The following MAST4 variants were observed in gnomAD, a reference collection of about 807,000 sequenced individuals.
MAST4 encodes microtubule-associated serine/threonine-protein kinase 4.
Under a neutral mutation model 162.7 loss-of-function variants are expected in MAST4, and 89 were observed. The observed-to-expected ratio is 0.55, with a 90% CI of 0.46 to 0.65. The LOEUF is 0.65. MAST4 is among the 30% of genes least tolerant of loss of function. The pLI, the probability that MAST4 is intolerant of heterozygous loss-of-function variation, is 0.00. For synonymous variants in MAST4, 1,479 were observed against 1,361.1 expected (o/e 1.09, Z -1.91); for missense variants, 3,153 against 3,374.0 (o/e 0.93, Z 1.62).
At chr5:66,715,624 A>C (rs1242958631) in intron 1 of MAST4, among the ~76,000 whole-genome samples, 5 of 151,674 alleles carry the variant, frequency 3.3e-5, no homozygotes, top group Non-Finnish European at 7.4e-5. Context: ...TACATATATA[A>C]TAAACCTGCA....
At chr5:66,694,613 A>G (rs1561267571) in intron 1 of MAST4, among the ~76,000 whole-genome samples, 1 of 151,930 alleles carries the variant, frequency 6.6e-6, no homozygotes, top group Non-Finnish European at 1.5e-5. Flanking sequence ...TAGCCTCCTG[A>G]GTAGCTGGGA....
chr5:66,912,860 G>T (rs1043914900), intron 4 of MAST4, among the ~76,000 whole-genome samples: 1 of 151,946 alleles, frequency 6.6e-6, no homozygotes, highest in African/African-American at 2.4e-5. Context: ...TTTTCATAAG[G>T]GTCTAAGTCT....
chr5:66,773,437 C>T (rs1260787025), intron 2 of MAST4, among the ~76,000 whole-genome samples: 1 of 152,142 alleles, frequency 6.6e-6, no homozygotes, highest in African/African-American at 2.4e-5. Flanking sequence ...AGGGTAAGTC[C>T]CCTCCTTGCA....
intron 1 of MAST4, among the ~76,000 whole-genome samples, chr5:66,670,806 C>T (rs1246052640): frequency 1.3e-5 from 2 of 151,220 alleles, no homozygotes; most frequent in African/African-American, 2.4e-5. Context: ...AAGGACGTTA[C>T]CTGAAAGTTT....
Position 67,134,810 on chromosome 5 carries a change from A to G in MAST4, c.2392+122A>G, listed in dbSNP as rs1374394053. ...ACCTTTATCAAACAGTTGAGCCAAC[A>G]AAAGAACTCACTCATCAAAGCATAT... On this transcript the variant is annotated intron_variant, in intron 18 of 28. Transcript: ENST00000403625. 7 of 776,744 alleles carry G rather than the reference A, an allele frequency of 9.0e-6. No homozygotes were observed. The East Asian group carries it at 1.3e-4, about 15-fold the overall frequency. The allele number at this position is 776,744 out of a possible 1,614,324, so 48.1% of individuals were successfully genotyped here.
intron 4 of MAST4, among the ~76,000 whole-genome samples, chr5:66,941,516 T>C (rs1221508202): frequency 1.3e-5 from 2 of 152,140 alleles, no homozygotes; most frequent in East Asian, 3.8e-4. Context: ...TGCTCTAGAT[T>C]AGGCTTTGGC....
rs778302228 is a variant in MAST4 at position 67,166,743 on chromosome 5, C to T, written c.7564C>T (p.Pro2522Ser). 6.3e-7 allele frequency: 1 copy of T among 1,592,530 alleles called. No homozygotes were observed. The highest frequency in any genetic ancestry group is 8.5e-7 in the Non-Finnish European group (1 of 1,169,940). The change falls in exon 29 of 29, where the codon CCC becomes TCC. Residue 2522 changes from proline (P) to serine (S), a missense_variant. By Grantham distance (74) the Pro-to-Ser change is moderately conservative (BLOSUM62 -1). This residue lies in a region of MAST4 where 1,644 missense variants were observed against 1,495.0 expected (regional missense o/e 1.10). Transcript: ENST00000403625. ...CCACATGACAAAGAGTGACTCCCTG[C>T]CCTCCTTCCGGGTCTCCACCCTGCC... Reference protein sequence around the residue: ...RTHMTKSDSLPSFRVSTLPLE... With the variant: ...RTHMTKSDSLSSFRVSTLPLE...
intron 5 of MAST4, among the ~76,000 whole-genome samples, chr5:67,081,093 ATATAATTGTATATATTATATATT>A (rs1561626330): frequency 1.2e-4 from 12 of 96,482 alleles, no homozygotes; most frequent in East Asian, 1.0e-3. Flanking sequence ...ATTATATAAT[ATATAATTGTATATATTATATATT>A]TTTTTTTAAC....
chr5:67,150,759 C>A (rs932417836), intron 24 of MAST4, among the ~76,000 whole-genome samples: 2 of 152,144 alleles, frequency 1.3e-5, no homozygotes, highest in Non-Finnish European at 2.9e-5. Flanking sequence ...GACCTCCTCC[C>A]ACCTGCATGT....
chr5:66,891,331 C>CCCT (rs371765402), intron 3 of MAST4, among the ~76,000 whole-genome samples: 7 of 151,840 alleles, frequency 4.6e-5, no homozygotes, highest in African/African-American at 1.5e-4. Context: ...CTGACTCTGC[C>CCCT]CCTCCTCCTC....
chr5:67,058,554 A>G (rs1301801473), intron 5 of MAST4, among the ~76,000 whole-genome samples: 1 of 152,252 alleles, frequency 6.6e-6, no homozygotes, highest in Non-Finnish European at 1.5e-5. Flanking sequence ...TAAGTAAATA[A>G]TGATTCAGGG....
chr5:66,828,735 C>A, intron 3 of MAST4: 1 of 1,495,992 alleles, frequency 6.7e-7, no homozygotes, highest in Non-Finnish European at 9.1e-7. Context: ...TCAGCTAGAG[C>A]GTGATGTAAG....
intron 3 of MAST4, among the ~76,000 whole-genome samples, chr5:66,801,686 T>TAGCAGA (rs1755929675): frequency 2.0e-5 from 3 of 152,238 alleles, no homozygotes; most frequent in Non-Finnish European, 4.4e-5. Flanking sequence ...GTTTATTTTA[T>TAGCAGA]TTTTAAGTGG....
At chr5:66,831,644 A>G (rs1346787550) in intron 3 of MAST4, among the ~76,000 whole-genome samples, 1 of 152,216 alleles carries the variant, frequency 6.6e-6, no homozygotes, top group Non-Finnish European at 1.5e-5. Flanking sequence ...AGCACAACTG[A>G]GTTGTTCATC....
At chr5:66,932,083 A>T (rs1287729084) in intron 4 of MAST4, among the ~76,000 whole-genome samples, 1 of 152,166 alleles carries the variant, frequency 6.6e-6, no homozygotes, top group East Asian at 1.9e-4. Flanking sequence ...AATCTTAAGT[A>T]ATGAGGGCTT....
intron 3 of MAST4, among the ~76,000 whole-genome samples, 175 bp downstream of exon 3, chr5:66,788,969 T>C: frequency 6.6e-6 from 1 of 152,244 alleles, no homozygotes; most frequent in East Asian, 1.9e-4. Flanking sequence ...TGTACCCAGT[T>C]TGGAGGATTT....
intron 1 of MAST4, among the ~76,000 whole-genome samples, chr5:66,749,107 C>T (rs370648874): frequency 3.3e-5 from 5 of 152,000 alleles, no homozygotes; most frequent in African/African-American, 1.2e-4. Flanking sequence ...GACATCAGGC[C>T]AAGGTAAGGG....
rs34307265 is a variant in MAST4 at position 66,628,340 on chromosome 5, CT to C, written c.363+31338del. Among the ~76,000 whole-genome samples, 367 of 136,124 alleles carry C rather than the reference CT, an allele frequency of 2.7e-3. 1 individual carries two copies. Among genetic ancestry groups the C allele is most frequent in the Middle Eastern group, 7.5e-3 (2 of 268 alleles). 89.3% of individuals were successfully genotyped at this position (136,124 alleles called of 152,430 possible). On this transcript the variant is annotated intron_variant, in intron 1 of 28. Coordinates refer to ENST00000403625, the MANE Select transcript of MAST4 (RefSeq NM_001164664.2). ...TGAGCCACGGTGCCTGACTTTTTTT[CT>C]TTTTTTTTTTTTTTTAAGTAGGCTC...
intron 4 of MAST4, among the ~76,000 whole-genome samples, chr5:66,956,008 A>G (rs1441079699): frequency 6.6e-6 from 1 of 151,780 alleles, no homozygotes; most frequent in East Asian, 1.9e-4. Flanking sequence ...TTTTTGGTAA[A>G]GACAGGGTCT....
Sources: allele counts gnomAD v4.1 joint callset (sites outside exome capture counted in the v4.1 genomes callset), GRCh38; gene constraint gnomAD v4.1.1; regional missense constraint gnomAD v4.1.1; transcripts MANE v1.5; gene names NCBI Gene and HGNC (gene_info 2026-07-23, HGNC 2026-07-21).